SLC35A1: variants seen among roughly 807,000 people sequenced by gnomAD.
SLC35A1 encodes solute carrier family 35 member A1, also known as CMP-sialic acid transporter.
SLC35A1 carries 21 observed loss-of-function variants against 40.3 expected under a neutral mutation model. The ratio of observed to expected loss-of-function variants is 0.52; its 90% CI spans 0.37 to 0.75. The LOEUF (loss-of-function observed/expected upper bound fraction) is 0.75. Among genes scored for constraint, SLC35A1 ranks in the 30% least tolerant of loss-of-function variants. SLC35A1 has a pLI of 0.00. For synonymous variants in SLC35A1, 146 were observed against 147.3 expected, an observed-to-expected ratio of 0.99 and a Z score of 0.06; for missense variants, 297 against 382.1, an observed-to-expected ratio of 0.78 and a Z score of 1.86.
intron 5 of SLC35A1, among the ~76,000 whole-genome samples, 160 bp downstream of exon 5, chr6:87,506,608 G>A (rs1396783313): frequency 6.6e-6 from 1 of 152,236 alleles, no homozygotes; most frequent in East Asian, 1.9e-4. Context: ...TCCAGTAAAT[G>A]TATAGCATTG....
Position 87,512,124 on chromosome 6 carries a change from C to G in SLC35A1, c.*598C>G, listed in dbSNP as rs1454068723. 1 of 157,012 alleles carries G rather than the reference C, an allele frequency of 6.4e-6. No individual in the cohort carries two copies. Among genetic ancestry groups the G allele is most frequent in the Non-Finnish European group, 1.4e-5 (1 of 70,628 alleles). The allele number at this position is 157,012 out of a possible 1,614,324, so 9.7% of individuals were successfully genotyped here. A position where few individuals can be genotyped will look rare whatever the true frequency, so the allele number is the denominator to read the frequency against. On this transcript the variant is annotated 3_prime_UTR_variant, in exon 8 of 8. Coordinates refer to ENST00000369552, the MANE Select transcript of SLC35A1 (RefSeq NM_006416.5). Reference sequence around the variant, plus strand: ...TGACTGAGTACCCCTTTAGTGAGTACCCCTTTAGTGCTATATTTGTGCCAT... The same window carrying G: ...TGACTGAGTACCCCTTTAGTGAGTAGCCCTTTAGTGCTATATTTGTGCCAT...
intron 2 of SLC35A1, among the ~76,000 whole-genome samples, chr6:87,499,373 G>A (rs13193193): frequency 0.032 from 4,871 of 152,256 alleles, 107 homozygotes; most frequent in Middle Eastern, 0.054. Context: ...TAAGGATATC[G>A]TGAGCTGCAG....
chr6:87,502,929 T>G (rs934662067), intron 4 of SLC35A1, among the ~76,000 whole-genome samples: 1 of 152,206 alleles, frequency 6.6e-6, no homozygotes, highest in Non-Finnish European at 1.5e-5. Context: ...TCTGGCTTAT[T>G]CTAAACCAGA....
chr6:87,487,173 C>G (rs1769414383), intron 2 of SLC35A1, among the ~76,000 whole-genome samples: 1 of 151,648 alleles, frequency 6.6e-6, no homozygotes, highest in South Asian at 2.1e-4. Flanking sequence ...AAGACTCCGT[C>G]TCAAAAGAAA....
intron 2 of SLC35A1, among the ~76,000 whole-genome samples, chr6:87,498,155 TA>T (rs1245901271): frequency 6.6e-6 from 1 of 152,148 alleles, no homozygotes; most frequent in Non-Finnish European, 1.5e-5. Context: ...CACCAGGAGA[TA>T]AATGAATATG....
Position 87,511,755 on chromosome 6 carries a change from T to TGTATTATTGTGTGTATATA in SLC35A1, c.*230_*248dup. The TGTATTATTGTGTGTATATA allele has an allele frequency of 1.9e-6, 1 of 528,546 alleles. No homozygotes were observed. The highest frequency in any genetic ancestry group is 3.5e-5 in the East Asian group (1 of 28,624). 32.7% of individuals were successfully genotyped at this position (528,546 alleles called of 1,614,324 possible). On this transcript the variant is annotated 3_prime_UTR_variant, in exon 8 of 8. Coordinates refer to ENST00000369552, the MANE Select transcript of SLC35A1 (RefSeq NM_006416.5). ...TACTATTGTTTTAGAATGAAGGAAT[T>TGTATTATTGTGTGTATATA]GTATTATTGTGTGTATATATAATTT...
intron 2 of SLC35A1, among the ~76,000 whole-genome samples, chr6:87,491,702 A>G (rs1439410867): frequency 6.6e-6 from 1 of 152,198 alleles, no homozygotes; most frequent in African/African-American, 2.4e-5. Flanking sequence ...TGGAGGCTGG[A>G]AAGTCCAGGA....
intron 2 of SLC35A1, chr6:87,496,266 A>T (rs1459064033): frequency 1.3e-5 from 2 of 152,200 alleles, no homozygotes; most frequent in African/African-American, 4.8e-5. Flanking sequence ...GAATTTCTTC[A>T]GGTAACCAAA....
intron 2 of SLC35A1, among the ~76,000 whole-genome samples, chr6:87,495,493 A>G (rs1281436849): frequency 6.6e-6 from 1 of 152,012 alleles, no homozygotes; most frequent in African/African-American, 2.4e-5. Context: ...AGCTTTGTTT[A>G]TTTCTCCTTC....
At chr6:87,480,868 G>A (rs927198056) in intron 2 of SLC35A1, among the ~76,000 whole-genome samples, 1 of 152,132 alleles carries the variant, frequency 6.6e-6, no homozygotes, top group Non-Finnish European at 1.5e-5. Context: ...ACTCGGGTGT[G>A]ATGTGTCCAT....
At chr6:87,510,890 A>G (rs1191415966) in intron 7 of SLC35A1, among the ~76,000 whole-genome samples, 4 of 152,034 alleles carry the variant, frequency 2.6e-5, no homozygotes, top group African/African-American at 9.7e-5. Context: ...AAAAGATGAA[A>G]AAAGGGTTAA....
rs373305215 is a variant in SLC35A1, at chr6:87,509,182, C to T, written c.886+7C>T. On this transcript the variant is annotated splice_region_variant and intron_variant, in intron 7 of 7. Coordinates refer to ENST00000369552, the MANE Select transcript of SLC35A1 (RefSeq NM_006416.5). ...CTGTTTGGATTACAGATAAGTATGT[C>T]TTAGTTTGTGTTGAGTTTTTAACAT... 12 of 1,613,870 alleles carry T rather than the reference C, an allele frequency of 7.4e-6. No individual in the cohort carries two copies. The highest frequency in any genetic ancestry group is 1.7e-5 in the Admixed American group (1 of 59,998).
chr6:87,502,590 T>C (rs1769952697), intron 4 of SLC35A1, among the ~76,000 whole-genome samples: 1 of 152,194 alleles, frequency 6.6e-6, no homozygotes. Flanking sequence ...GTGGTAAGTT[T>C]AGCGTACCTA....
At position 87,475,141 on chromosome 6, in the gene SLC35A1, A is replaced by G. The variant is rs1187871968; in HGVS notation, c.16+2122A>G. 4.6e-5 allele frequency among the ~76,000 whole-genome samples: 7 copies of G among 152,232 alleles called. No homozygotes were observed. The East Asian group carries it at 1.3e-3, about 29-fold the overall frequency. On this transcript the variant is annotated intron_variant, in intron 1 of 7. Transcript: ENST00000369552. ...AGATCTGCTGTTGTAGGGAAAAAAA[A>G]GTAGCCTGGATAATTTAGAAACAAA...
intron 2 of SLC35A1, among the ~76,000 whole-genome samples, chr6:87,497,462 C>G (rs144106731): frequency 1.3e-5 from 2 of 152,144 alleles, no homozygotes; most frequent in Non-Finnish European, 2.9e-5. Flanking sequence ...TTTTGCTCCA[C>G]TGAAGGAAAG....
At chr6:87,501,872 AT>A (rs915603343) in intron 4 of SLC35A1, among the ~76,000 whole-genome samples, 26 of 152,358 alleles carry the variant, frequency 1.7e-4, no homozygotes, top group Admixed American at 1.3e-4. Flanking sequence ...TACATAACAG[AT>A]TTTTAAAGAG....
At chr6:87,508,659 C>A in intron 6 of SLC35A1, 63 bp downstream of exon 6, 1 of 1,242,238 alleles carries the variant, frequency 8.0e-7, no homozygotes, top group Non-Finnish European at 1.2e-6. Context: ...GTTAGATGTC[C>A]ATTTTAAGCT....
chr6:87,487,800 G>A (rs907026757), intron 2 of SLC35A1, among the ~76,000 whole-genome samples: 2 of 152,136 alleles, frequency 1.3e-5, no homozygotes, highest in Non-Finnish European at 1.5e-5. Flanking sequence ...CTTGTTCAGC[G>A]TCAGCCAGGA....
chr6:87,504,020 T>C (rs1353500946), intron 4 of SLC35A1, among the ~76,000 whole-genome samples: 1 of 152,222 alleles, frequency 6.6e-6, no homozygotes, highest in African/African-American at 2.4e-5. Flanking sequence ...CCTACTTTTC[T>C]TGATAGTCTT....
Sources: gnomAD v4.1 joint callset for allele counts (sites outside exome capture counted in the v4.1 genomes callset) on GRCh38, gnomAD v4.1.1 for gene constraint, MANE v1.5 for transcripts, NCBI Gene and HGNC (gene_info 2026-07-23, HGNC 2026-07-21) for gene names.